The following ENTPD7 variants were observed in gnomAD, a reference collection of about 807,000 sequenced individuals.
The protein encoded by ENTPD7 is ectonucleoside triphosphate diphosphohydrolase 7.
Under a neutral mutation model 77.9 loss-of-function variants are expected in ENTPD7, and 53 were observed. That is an observed-to-expected ratio of 0.68 (90% CI 0.55 to 0.85). The LOEUF (loss-of-function observed/expected upper bound fraction) is 0.85, where lower values mean the gene tolerates loss of function less well. ENTPD7 is among the 40% of genes least tolerant of loss of function. The pLI, the probability that ENTPD7 is intolerant of heterozygous loss-of-function variation, is 0.00. For synonymous variants in ENTPD7, 248 were observed against 274.9 expected, an observed-to-expected ratio of 0.90 and a Z score of 0.97; for missense variants, 636 against 743.7, an observed-to-expected ratio of 0.86 and a Z score of 1.68.
intron 10 of ENTPD7, 35 bp from the exon 11 acceptor site, chr10:99,700,938 A>T: frequency 6.3e-7 from 1 of 1,580,540 alleles, no homozygotes; most frequent in Non-Finnish European, 8.7e-7. Flanking sequence ...TTGCCTCCAA[A>T]TTCATGTTGC....
rs562481613 is a variant in ENTPD7, at chr10:99,701,289, G to T, written c.1421+231G>T. Among the ~76,000 whole-genome samples, 86 of 60,638 alleles carry T rather than the reference G, an allele frequency of 1.4e-3. 3 individuals are homozygous for T. In the South Asian group the frequency reaches 0.051, roughly 36 times the overall value. 39.8% of individuals were successfully genotyped at this position (60,638 alleles called of 152,430 possible). On this transcript the variant is annotated intron_variant, in intron 11 of 12. Coordinates refer to ENST00000370489, the MANE Select transcript of ENTPD7 (RefSeq NM_020354.5). ...CAACAAGTGATTTGACAACAAAAGT[G>T]ATTTTTTTTTTTTTTTGAGACAGAG...
chr10:99,688,951 GAAT>G, intron 7 of ENTPD7, among the ~76,000 whole-genome samples: 1 of 151,978 alleles, frequency 6.6e-6, no homozygotes, highest in East Asian at 1.9e-4. Context: ...CACAAAAGTA[GAAT>G]AATAAAATGA....
chr10:99,709,304 A>C lies in ENTPD7; in HGVS notation c.*4621A>C, dbSNP rs56206689. Reference sequence around the variant, plus strand: ...CAAATTAATTCAAAACTAGTATCTAATTGTCCTTTTTGCTGTGGTATGTGG... The same window carrying C: ...CAAATTAATTCAAAACTAGTATCTACTTGTCCTTTTTGCTGTGGTATGTGG... On this transcript the variant is annotated 3_prime_UTR_variant, in exon 13 of 13. Coordinates refer to ENST00000370489, the MANE Select transcript of ENTPD7 (RefSeq NM_020354.5). 384 of 985,334 alleles carry C rather than the reference A, an allele frequency of 3.9e-4. 2 individuals are homozygous for C. The African/African-American group carries it at 6.1e-3, about 16-fold the overall frequency. 61.0% of individuals were successfully genotyped at this position (985,334 alleles called of 1,614,324 possible). A position where few individuals can be genotyped will look rare whatever the true frequency, so the allele number is the denominator to read the frequency against.
chr10:99,679,702 CTGTT>C lies in ENTPD7; in HGVS notation c.398-13_398-10del, dbSNP rs138819625. ...AGCCGCTTTTTAAAGAAAGTTTTGTCTGTTTGTTTGTTTTAACTTAAGGAATCTC... is the reference window on the plus strand; with the variant it reads ...AGCCGCTTTTTAAAGAAAGTTTTGTCTGTTTGTTTTAACTTAAGGAATCTC... On this transcript the variant is annotated intron_variant, in intron 4 of 12. Transcript: ENST00000370489. 7.7e-4 allele frequency: 1,221 copies of C among 1,594,218 alleles called. 4 individuals are homozygous for C. In the African/African-American group the frequency reaches 0.012, roughly 15 times the overall value.
chr10:99,665,311 A>G (rs1369696802), intron 3 of ENTPD7, among the ~76,000 whole-genome samples: 1 of 152,030 alleles, frequency 6.6e-6, no homozygotes, highest in Admixed American at 6.6e-5. Context: ...GGCAGCATAT[A>G]TATTCACTTA....
At position 99,710,576 on chromosome 10, in the gene ENTPD7, A is replaced by G; in HGVS notation, c.*5893A>G. On this transcript the variant is annotated 3_prime_UTR_variant, in exon 13 of 13. Transcript: ENST00000370489. Reference sequence around the variant, plus strand: ...TTTTGAATTCTTAAAATTCTCACTGACAAACATTTTAGGTCAGTGTTGAGG... The same window carrying G: ...TTTTGAATTCTTAAAATTCTCACTGGCAAACATTTTAGGTCAGTGTTGAGG... The G allele has an allele frequency of 2.0e-6, 2 of 985,428 alleles. No individual in the cohort carries two copies. The highest frequency in any genetic ancestry group is 2.4e-6 in the Non-Finnish European group (2 of 829,910). The allele number at this position is 985,428 out of a possible 1,614,324, so 61.0% of individuals were successfully genotyped here. A position where few individuals can be genotyped will look rare whatever the true frequency, so the allele number is the denominator to read the frequency against.
chr10:99,677,584 C>T (rs370824931), intron 3 of ENTPD7, among the ~76,000 whole-genome samples: 1 of 152,014 alleles, frequency 6.6e-6, no homozygotes, highest in East Asian at 1.9e-4. Flanking sequence ...AGGCTGGTCT[C>T]GAATTCCTGA....
At chr10:99,664,450 C>CTT (rs1209558702) in intron 3 of ENTPD7, among the ~76,000 whole-genome samples, 14 of 131,298 alleles carry the variant, frequency 1.1e-4, no homozygotes, top group African/African-American at 1.9e-4. Context: ...TTTACATTTT[C>CTT]TTTTTTTTTT....
intron 2 of ENTPD7, chr10:99,660,172 AGAGT>A: frequency 1.8e-6 from 1 of 562,732 alleles, no homozygotes; most frequent in Non-Finnish European, 2.3e-6. Flanking sequence ...CAGGAGTGGT[AGAGT>A]GAGTCGGCTT....
chr10:99,702,879 C>G (rs1277669760), intron 12 of ENTPD7, among the ~76,000 whole-genome samples: 1 of 152,186 alleles, frequency 6.6e-6, no homozygotes, highest in Non-Finnish European at 1.5e-5. Flanking sequence ...GAAGGTTGAG[C>G]ATTACTGGTC....
intron 8 of ENTPD7, among the ~76,000 whole-genome samples, chr10:99,692,414 A>T (rs2035897116): frequency 6.6e-6 from 1 of 152,234 alleles, no homozygotes; most frequent in Non-Finnish European, 1.5e-5. Flanking sequence ...TCTGGTTTAA[A>T]CAGAGAGCTG....
At position 99,669,740 on chromosome 10, in the gene ENTPD7, G is replaced by GTTTT. The variant is rs71472510; in HGVS notation, c.191+8136_191+8139dup. ...GAATAATACTTGTGTTAGATGTGTG[G>GTTTT]TTTTTTTTTTTTTTTTTTTTTTTTT... On this transcript the variant is annotated intron_variant, in intron 3 of 12. Transcript: ENST00000370489. 1.1e-3 allele frequency among the ~76,000 whole-genome samples: 64 copies of GTTTT among 59,300 alleles called. 15 individuals are homozygous for GTTTT. The highest frequency in any genetic ancestry group is 1.8e-3 in the South Asian group (2 of 1,136). 38.9% of individuals were successfully genotyped at this position (59,300 alleles called of 152,430 possible).
In ENTPD7 at chr10:99,661,585, CG is replaced by C. The variant is rs748996235; in HGVS notation, c.149del (p.Arg50HisfsTer20). The C allele has an allele frequency of 5.0e-6, 8 of 1,612,956 alleles. No homozygotes were observed. The highest frequency in any genetic ancestry group is 1.3e-5 in the African/African-American group (1 of 74,802). On this transcript the variant is annotated frameshift_variant, in exon 3 of 13. Coordinates refer to ENST00000370489, the MANE Select transcript of ENTPD7 (RefSeq NM_020354.5). LOFTEE classifies it high-confidence loss of function. ...TTTACTTATGTTAATCATAGACTTT[CG>C]ACATTGGAGTGCTTCATTACCACGA... ...LLLLMLIIDF[R>X]HWSASLPRDR...
intron 3 of ENTPD7, among the ~76,000 whole-genome samples, chr10:99,673,624 A>C (rs561598794): frequency 6.6e-6 from 1 of 152,342 alleles, no homozygotes; most frequent in East Asian, 1.9e-4. Context: ...CAAAGCACAC[A>C]TGGAGACTTC....
chr10:99,683,626 G>A (rs1303268686), intron 5 of ENTPD7, among the ~76,000 whole-genome samples: 11 of 152,168 alleles, frequency 7.2e-5, no homozygotes, highest in Admixed American at 7.2e-4. Context: ...AATTTTAGAA[G>A]ATGAAAGCTT....
chr10:99,704,332 A>G (rs1447146311), intron 12 of ENTPD7, 120 bp from the exon 13 acceptor site: 2 of 991,572 alleles, frequency 2.0e-6, no homozygotes, highest in Non-Finnish European at 3.0e-6. Flanking sequence ...AGCTGGTGTC[A>G]TAAAATGTTT....
chr10:99,688,942 A>G (rs1268673689), intron 7 of ENTPD7, among the ~76,000 whole-genome samples, 192 bp downstream of exon 7: 1 of 152,110 alleles, frequency 6.6e-6, no homozygotes, highest in African/African-American at 2.4e-5. Flanking sequence ...TCAAACATTC[A>G]CAAAAGTAGA....
chr10:99,660,193 C>T, intron 2 of ENTPD7: 1 of 640,922 alleles, frequency 1.6e-6, no homozygotes, highest in Non-Finnish European at 1.9e-6. Context: ...GCTTGCTCAG[C>T]TCTGTAAAGT....
intron 3 of ENTPD7, among the ~76,000 whole-genome samples, chr10:99,668,644 T>C (rs957021049): frequency 6.6e-6 from 1 of 152,218 alleles, no homozygotes; most frequent in Admixed American, 6.5e-5. Flanking sequence ...TCTTGATTTT[T>C]CTGTTTTCCA....
Sources: allele counts gnomAD v4.1 joint callset (sites outside exome capture counted in the v4.1 genomes callset), GRCh38; gene constraint gnomAD v4.1.1; transcripts MANE v1.5; gene names NCBI Gene and HGNC (gene_info 2026-07-23, HGNC 2026-07-21).